DRC1: variants seen among roughly 807,000 people sequenced by gnomAD.
The protein encoded by DRC1 is dynein regulatory complex protein 1.
In DRC1, 74 loss-of-function variants were observed where a neutral mutation model predicts 98.7. The observed-to-expected ratio is 0.75, with a 90% CI of 0.62 to 0.91. The LOEUF (loss-of-function observed/expected upper bound fraction) is 0.91, where lower values mean the gene tolerates loss of function less well. Ranked by LOEUF, DRC1 falls within the 40% of genes least tolerant of loss-of-function variation. The pLI is 0.00. For missense variants in DRC1, 875 were observed against 886.0 expected (o/e 0.99, Z 0.16); for synonymous variants, 336 against 334.1 (o/e 1.01, Z -0.06).
At chr2:26,430,956 A>ATAT in intron 6 of DRC1, 84 bp downstream of exon 6, 75 of 572,280 alleles carry the variant, frequency 1.3e-4, no homozygotes, top group Non-Finnish European at 1.8e-4. Flanking sequence ...GCCTTTTTCT[A>ATAT]TCTTTTTTTT....
Position 26,453,300 on chromosome 2 carries a change from G to T in DRC1, c.1690-20G>T. ...GCTCGTGTGTCCCCAGCCCACAGTT[G>T]TCCGTGCATCTTTCTCCAGATCAAG... On this transcript the variant is annotated intron_variant, in intron 13 of 16. Transcript: ENST00000288710. The T allele has an allele frequency of 1.2e-6, 2 of 1,613,778 alleles. No homozygotes were observed. Among genetic ancestry groups the T allele is most frequent in the Non-Finnish European group, 1.7e-6 (2 of 1,179,828 alleles).
intron 1 of DRC1, among the ~76,000 whole-genome samples, chr2:26,406,749 C>T (rs951241229): frequency 1.3e-5 from 2 of 151,722 alleles, no homozygotes; most frequent in African/African-American, 4.8e-5. Context: ...GTGCTAATGG[C>T]CCTGATACTC....
chr2:26,415,935 CAA>C (rs59566642), intron 2 of DRC1, among the ~76,000 whole-genome samples: 6,544 of 98,344 alleles, frequency 0.067, 428 homozygotes, highest in African/African-American at 0.2. Context: ...CTTTCTCTTT[CAA>C]AAAAAAAAAA....
chr2:26,421,540 T>A, intron 3 of DRC1, 140 bp downstream of exon 3: 1 of 350,982 alleles, frequency 2.8e-6, no homozygotes, highest in Non-Finnish European at 5.1e-6. Context: ...CCTCCCTCCC[T>A]CCTCTTCTTT....
rs1572388518 is a variant in DRC1, at chr2:26,454,423, T to G, written c.1920-224T>G. ...GTAAACTGATTGGGAGAGAGAGGGG[T>G]GGATGAAGCACGGATTATGCCCTCA... is the stretch of plus-strand genomic sequence containing the variant. On this transcript the variant is annotated intron_variant, in intron 14 of 16. Coordinates refer to ENST00000288710, the MANE Select transcript of DRC1 (RefSeq NM_145038.5). This position sits in a 1 kb window ranked among gnomAD's most constrained non-coding sequence, Gnocchi z 5.2. 6.6e-6 allele frequency among the ~76,000 whole-genome samples: 1 copy of G among 151,696 alleles called. No homozygotes were observed. The highest frequency in any genetic ancestry group is 1.9e-4 in the East Asian group (1 of 5,138).
intron 16 of DRC1, 88 bp downstream of exon 16, chr2:26,455,321 C>T: frequency 7.9e-7 from 1 of 1,262,310 alleles, no homozygotes; most frequent in Non-Finnish European, 1.1e-6. Flanking sequence ...CGAGGAGTCC[C>T]CTCCCCGTCA....
chr2:26,436,187 C>T (rs746651649), intron 7 of DRC1, among the ~76,000 whole-genome samples: 26 of 150,898 alleles, frequency 1.7e-4, no homozygotes, highest in Non-Finnish European at 3.2e-4. Flanking sequence ...GGTATCTCAT[C>T]GTGGTTTTGA....
chr2:26,453,517 G>A lies in DRC1; in HGVS notation c.1887G>A (p.Leu629=). The change falls in exon 14 of 17, where the codon CTG becomes CTA. Residue 629 remains leucine (L), a synonymous_variant. Coordinates refer to ENST00000288710, the MANE Select transcript of DRC1 (RefSeq NM_145038.5). ...VIHPNDVLKI[L]EAFVMGLKKP... ...ACCCCAATGATGTCCTCAAGATTCTGGAGGCCTTCGTCATGGGTCTGAAGA... is the reference window on the plus strand; with the variant it reads ...ACCCCAATGATGTCCTCAAGATTCTAGAGGCCTTCGTCATGGGTCTGAAGA... 1 of 1,614,178 alleles carries A rather than the reference G, an allele frequency of 6.2e-7. No individual in the cohort carries two copies. The highest frequency in any genetic ancestry group is 8.5e-7 in the Non-Finnish European group (1 of 1,180,020).
chr2:26,443,373 T>G (rs1036888600), intron 8 of DRC1, among the ~76,000 whole-genome samples: 1 of 152,152 alleles, frequency 6.6e-6, no homozygotes, highest in Non-Finnish European at 1.5e-5. Flanking sequence ...GAGCTCCTGT[T>G]AGCAGTGAGA....
intron 1 of DRC1, among the ~76,000 whole-genome samples, chr2:26,406,813 CTTTTTTTTT>C (rs5830010): frequency 0.12 from 12,328 of 101,630 alleles, 763 homozygotes; most frequent in Non-Finnish European, 0.17. Flanking sequence ...TGTCACTTTC[CTTTTTTTTT>C]TTTTTTTTTT....
chr2:26,448,590 A>G, intron 10 of DRC1, 101 bp from the exon 11 acceptor site: 1 of 1,198,756 alleles, frequency 8.3e-7, no homozygotes, highest in East Asian at 2.4e-5. Context: ...TTTAAGAGGT[A>G]CATTTTCTCA....
rs142671417 is a variant in DRC1, at chr2:26,453,543, A to C, written c.1913A>C (p.Lys638Thr). ...ILEAFVMGLK[K>T]PRDSRAPLRV... Reference sequence around the variant, plus strand: ...GAGGCCTTCGTCATGGGTCTGAAGAAGCCTAGGTGGGCTGCGGGGCTGGAA... The same window carrying C: ...GAGGCCTTCGTCATGGGTCTGAAGACGCCTAGGTGGGCTGCGGGGCTGGAA... The change falls in exon 14 of 17, where the codon AAG (lysine) becomes ACG (threonine). Residue 638 changes from lysine to threonine, a missense_variant. Transcript: ENST00000288710. The C allele has an allele frequency of 2.1e-4, 334 of 1,613,214 alleles. No individual in the cohort carries two copies. The highest frequency in any genetic ancestry group is 2.6e-4 in the Non-Finnish European group (305 of 1,179,408).
At chr2:26,453,581 A>T in intron 14 of DRC1, 32 bp downstream of exon 14, 1 of 1,599,054 alleles carries the variant, frequency 6.3e-7, no homozygotes, top group Non-Finnish European at 8.5e-7. Context: ...CTTGCCTGAG[A>T]CCAGAACCAG....
intron 2 of DRC1, among the ~76,000 whole-genome samples, chr2:26,415,662 T>C (rs973642300): frequency 6.6e-6 from 1 of 152,192 alleles, no homozygotes; most frequent in Non-Finnish European, 1.5e-5. Flanking sequence ...CCGGGCGCGG[T>C]GGCTCACGTC....
chr2:26,417,359 C>T (rs1045490629), intron 2 of DRC1, among the ~76,000 whole-genome samples: 9 of 149,626 alleles, frequency 6.0e-5, no homozygotes, highest in East Asian at 1.9e-4. Flanking sequence ...GAAACAGCCT[C>T]GTTCTGTCAT....
intron 1 of DRC1, among the ~76,000 whole-genome samples, chr2:26,408,156 A>C (rs1178876395): frequency 6.6e-6 from 1 of 152,142 alleles, no homozygotes; most frequent in Non-Finnish European, 1.5e-5. Flanking sequence ...GGAGGTGACA[A>C]AGGGAACCAA....
intron 4 of DRC1, 142 bp downstream of exon 4, chr2:26,424,596 C>G (rs887657766): frequency 6.8e-6 from 6 of 877,596 alleles, no homozygotes; most frequent in Non-Finnish European, 1.0e-5. Context: ...ATGTTATAAA[C>G]TTTTTTCCAT....
At chr2:26,423,954 T>C (rs1663216062) in intron 3 of DRC1, among the ~76,000 whole-genome samples, 1 of 152,194 alleles carries the variant, frequency 6.6e-6, no homozygotes, top group African/African-American at 2.4e-5. Context: ...TGTTGTGTGT[T>C]ATCATCTTAC....
intron 3 of DRC1, among the ~76,000 whole-genome samples, chr2:26,422,525 T>G (rs1301911940): frequency 6.6e-6 from 1 of 152,154 alleles, no homozygotes; most frequent in Non-Finnish European, 1.5e-5. Context: ...CTTAGAAGAA[T>G]TAAACTTCTT....
Sources: allele counts gnomAD v4.1 joint callset (sites outside exome capture counted in the v4.1 genomes callset), GRCh38; gene constraint gnomAD v4.1.1; non-coding constraint Gnocchi (gnomAD v3.1); transcripts MANE v1.5; gene names NCBI Gene and HGNC (gene_info 2026-07-23, HGNC 2026-07-21).